The following RBFOX1 variants were observed in gnomAD, a reference collection of about 807,000 sequenced individuals.
RBFOX1 encodes RNA binding protein fox-1 homolog 1.
In RBFOX1, 8 loss-of-function variants were observed where a neutral mutation model predicts 57.7. That is an observed-to-expected ratio of 0.14 (90% CI 0.08 to 0.25). The LOEUF (loss-of-function observed/expected upper bound fraction) is 0.25. Ranked by LOEUF, RBFOX1 falls within the 10% of genes least tolerant of loss-of-function variation. The probability of loss-of-function intolerance (pLI) is 1.00; values close to 1 mark genes in which losing one functional copy is unlikely to be tolerated. For synonymous variants in RBFOX1, 326 were observed against 222.4 expected (o/e 1.47, Z -4.15); for missense variants, 611 against 548.5 (o/e 1.11, Z -1.14).
At chr16:6,696,672 C>G (rs1486221786) in intron 3 of RBFOX1, among the ~76,000 whole-genome samples, 1 of 137,090 alleles carries the variant, frequency 7.3e-6, no homozygotes, top group Admixed American at 7.9e-5. Context: ...CAGATATGAA[C>G]AGTTTTATAT....
At chr16:7,062,876 T>C (rs1036057800) in intron 4 of RBFOX1, among the ~76,000 whole-genome samples, 2 of 137,292 alleles carry the variant, frequency 1.5e-5, no homozygotes, top group African/African-American at 2.6e-5. Flanking sequence ...CTACCTCATC[T>C]CATTCAAATG....
intron 2 of RBFOX1, among the ~76,000 whole-genome samples, chr16:6,568,509 A>G (rs1286613294): frequency 6.6e-6 from 1 of 152,166 alleles, no homozygotes; most frequent in Non-Finnish European, 1.5e-5. Context: ...CCTCAGAGTG[A>G]CATACCATCA....
intron 3 of RBFOX1, among the ~76,000 whole-genome samples, chr16:5,809,737 C>G (rs1198588164): frequency 1.3e-5 from 2 of 152,162 alleles, no homozygotes; most frequent in South Asian, 2.1e-4. Context: ...GGACAGTAAA[C>G]TAGTTCAACC....
At chr16:5,622,501 G>A (rs957745017) in intron 3 of RBFOX1, among the ~76,000 whole-genome samples, 1 of 152,186 alleles carries the variant, frequency 6.6e-6, no homozygotes, top group Admixed American at 6.5e-5. Context: ...GGAGATCTTC[G>A]TTCATGCCTG....
chr16:6,310,490 T>C (rs535499870), intron 1 of RBFOX1, among the ~76,000 whole-genome samples: 2 of 152,338 alleles, frequency 1.3e-5, no homozygotes, highest in South Asian at 4.1e-4. Flanking sequence ...TATTTAGTAG[T>C]AGTGCCAGGT....
At chr16:7,622,841 C>A (rs1191960256) in intron 10 of RBFOX1, among the ~76,000 whole-genome samples, 1 of 152,170 alleles carries the variant, frequency 6.6e-6, no homozygotes, top group Non-Finnish European at 1.5e-5. Flanking sequence ...TAAAACTCTA[C>A]CATAACCCTT....
chr16:7,304,756 C>G (rs1046512577), intron 4 of RBFOX1, among the ~76,000 whole-genome samples: 7 of 152,190 alleles, frequency 4.6e-5, no homozygotes, highest in Admixed American at 2.6e-4. Context: ...CTTTTCCTTG[C>G]TACCATCTTC....
chr16:7,218,566 GT>G (rs1335065096), intron 4 of RBFOX1, among the ~76,000 whole-genome samples: 2 of 151,052 alleles, frequency 1.3e-5, no homozygotes, highest in African/African-American at 4.9e-5. Context: ...GAGGTAAAAA[GT>G]TTTTTTGAGT....
At chr16:5,274,444 G>A (rs926501817) in intron 1 of RBFOX1, among the ~76,000 whole-genome samples, 8 of 152,148 alleles carry the variant, frequency 5.3e-5, no homozygotes, top group African/African-American at 1.2e-4. Context: ...CATGAGATTC[G>A]CTTGAACCCA....
At chr16:5,461,481 C>G (rs1219278820) in intron 1 of RBFOX1, among the ~76,000 whole-genome samples, 1 of 152,092 alleles carries the variant, frequency 6.6e-6, no homozygotes, top group Non-Finnish European at 1.5e-5. Context: ...AAACTTTGGG[C>G]CCTGCAGCTG....
intron 2 of RBFOX1, among the ~76,000 whole-genome samples, chr16:6,327,928 T>C (rs75375921): frequency 0.017 from 2,570 of 152,246 alleles, 65 homozygotes; most frequent in African/African-American, 0.059. Context: ...GTGGTCCCAG[T>C]CTGCTTTTAT....
At chr16:5,473,395 ACCCTGTTTTT>A (rs2069204937) in intron 2 of RBFOX1, among the ~76,000 whole-genome samples, 1 of 151,110 alleles carries the variant, frequency 6.6e-6, no homozygotes. Flanking sequence ...TTCTGTACTT[ACCCTGTTTTT>A]TTTTCTTTTT....
At chr16:6,554,118 TAAAG>T (rs2097049091) in intron 2 of RBFOX1, among the ~76,000 whole-genome samples, 1 of 152,164 alleles carries the variant, frequency 6.6e-6, no homozygotes, top group African/African-American at 2.4e-5. Context: ...AACAAAGTGT[TAAAG>T]AAGTAATTAG....
At chr16:6,194,661 C>T (rs1201331133) in intron 1 of RBFOX1, among the ~76,000 whole-genome samples, 2 of 152,172 alleles carry the variant, frequency 1.3e-5, no homozygotes, top group Non-Finnish European at 2.9e-5. Context: ...TCCCTGAGTG[C>T]CACTGGCTCT....
chr16:6,186,754 G>A lies in RBFOX1; in HGVS notation c.-126-130241G>A, dbSNP rs373330926. Among the ~76,000 whole-genome samples, 12 of 152,294 alleles carry A rather than the reference G, an allele frequency of 7.9e-5. No individual in the cohort carries two copies. In the East Asian group the frequency reaches 2.3e-3, roughly 29 times the overall value. On this transcript the variant is annotated intron_variant, in intron 1 of 15. Coordinates refer to ENST00000550418, the MANE Select transcript of RBFOX1 (RefSeq NM_018723.4). ...ACCTTGCCTCTAGGAGGGGAGCAGT[G>A]AACATGGCAACATTGGTGCCAATGG...
intron 2 of RBFOX1, among the ~76,000 whole-genome samples, chr16:6,364,552 T>A (rs557546109): frequency 3.3e-5 from 5 of 152,222 alleles, no homozygotes. Context: ...GCGGTGCATG[T>A]GAACACATGT....
chr16:6,654,566 C>G (rs1412546149), intron 2 of RBFOX1, 37 bp from the exon 3 acceptor site: 8 of 1,473,022 alleles, frequency 5.4e-6, no homozygotes, highest in East Asian at 5.2e-5. Context: ...GACTCCTGTT[C>G]TTTCTCTCAC....
At chr16:5,259,262 G>C (rs1180854015) in intron 1 of RBFOX1, among the ~76,000 whole-genome samples, 4 of 151,934 alleles carry the variant, frequency 2.6e-5, no homozygotes, top group African/African-American at 9.7e-5. Context: ...TGTGTGTGTG[G>C]GTGCTTATTA....
rs542004784 is a variant in RBFOX1 at position 7,188,127 on chromosome 16, A to G, written c.27+136029A>G. On this transcript the variant is annotated intron_variant, in intron 4 of 15. Coordinates refer to ENST00000550418, the MANE Select transcript of RBFOX1 (RefSeq NM_018723.4). The stretch of plus-strand genomic sequence containing the variant: ...TAATTGTGTTTAACAATTTTGGAAG[A>G]TCAGCCAACTCAGCAAGAGGTGTAT... Among the ~76,000 whole-genome samples, 10 of 152,348 alleles carry G rather than the reference A, an allele frequency of 6.6e-5. No individual in the cohort carries two copies. In the East Asian group the frequency reaches 1.9e-3, roughly 29 times the overall value.
Sources: gnomAD v4.1 joint callset for allele counts (sites outside exome capture counted in the v4.1 genomes callset) on GRCh38, gnomAD v4.1.1 for gene constraint, MANE v1.5 for transcripts, NCBI Gene and HGNC (gene_info 2026-07-23, HGNC 2026-07-21) for gene names.